DPP8: variants seen among roughly 807,000 people sequenced by gnomAD.
The protein encoded by DPP8 is DPP VIII.
Under a neutral mutation model 107.5 loss-of-function variants are expected in DPP8, and 31 were observed. The ratio of observed to expected loss-of-function variants is 0.29; its 90% CI spans 0.22 to 0.39. The LOEUF (loss-of-function observed/expected upper bound fraction) is 0.39. Ranked by LOEUF, DPP8 falls within the 10% of genes least tolerant of loss-of-function variation. DPP8 has a pLI of 1.00. For synonymous variants in DPP8, 381 were observed against 356.6 expected (o/e 1.07, Z -0.77); for missense variants, 842 against 1,076.1 (o/e 0.78, Z 3.04).
intron 19 of DPP8, among the ~76,000 whole-genome samples, chr15:65,448,878 ATATATATATATATAT>A (rs1282289078): frequency 1.2e-4 from 2 of 17,304 alleles, no homozygotes; most frequent in African/African-American, 4.8e-4. Flanking sequence ...ATATATATAT[ATATATATATATATAT>A]ATATATATAT....
chr15:65,456,545 A>C (rs2064438089), intron 15 of DPP8, among the ~76,000 whole-genome samples, 174 bp from the exon 16 acceptor site: 1 of 152,178 alleles, frequency 6.6e-6, no homozygotes, highest in African/African-American at 2.4e-5. Flanking sequence ...TTCTTGCTTA[A>C]CTTCACACTC....
chr15:65,490,520 T>C (rs1461610319), intron 5 of DPP8, among the ~76,000 whole-genome samples: 3 of 151,044 alleles, frequency 2.0e-5, no homozygotes, highest in Non-Finnish European at 4.4e-5. Context: ...AAAGGCTACC[T>C]TGTGAGGTTG....
intron 10 of DPP8, among the ~76,000 whole-genome samples, chr15:65,479,712 C>T (rs1287093141): frequency 1.3e-5 from 2 of 151,472 alleles, no homozygotes; most frequent in Non-Finnish European, 2.9e-5. Flanking sequence ...GGCGCGGTGG[C>T]GGGCGCCTGT....
chr15:65,470,900 C>CA (rs747797709), intron 12 of DPP8, among the ~76,000 whole-genome samples: 24 of 135,258 alleles, frequency 1.8e-4, no homozygotes, highest in Non-Finnish European at 3.2e-4. Flanking sequence ...ACCTGGGTGA[C>CA]AGAGTGAGAC....
At chr15:65,510,597 G>C (rs2070647083) in intron 2 of DPP8, among the ~76,000 whole-genome samples, 1 of 151,862 alleles carries the variant, frequency 6.6e-6, no homozygotes, top group Admixed American at 6.6e-5. Context: ...GGAGTGCAGT[G>C]GCACCATCTC....
intron 12 of DPP8, among the ~76,000 whole-genome samples, chr15:65,467,968 G>A (rs1178343422): frequency 1.3e-5 from 2 of 151,986 alleles, no homozygotes; most frequent in African/African-American, 2.4e-5. Flanking sequence ...ATTTGCAAAC[G>A]TGTTTTATCT....
chr15:65,488,705 C>T (rs966224111), intron 6 of DPP8, among the ~76,000 whole-genome samples: 4 of 151,028 alleles, frequency 2.6e-5, no homozygotes, highest in African/African-American at 9.7e-5. Context: ...TCTTGAAATT[C>T]GTTTTCAGTT....
intron 8 of DPP8, among the ~76,000 whole-genome samples, chr15:65,484,507 G>A (rs943056407): frequency 9.2e-5 from 14 of 151,826 alleles, no homozygotes; most frequent in African/African-American, 3.1e-4. Flanking sequence ...TAAATAAATC[G>A]TATTACATGT....
chr15:65,489,839 T>C (rs2067839915), intron 6 of DPP8, among the ~76,000 whole-genome samples: 1 of 152,196 alleles, frequency 6.6e-6, no homozygotes, highest in Non-Finnish European at 1.5e-5. Flanking sequence ...TGCTTCAGCC[T>C]CCCGCGTAGC....
chr15:65,481,457 A>G, intron 9 of DPP8, 58 bp downstream of exon 9: 1 of 1,216,996 alleles, frequency 8.2e-7, no homozygotes, highest in South Asian at 1.3e-5. Context: ...TAGCACAAAT[A>G]TTCCAAAGCT....
At chr15:65,495,259 A>T (rs1483052663) in intron 5 of DPP8, among the ~76,000 whole-genome samples, 1 of 152,172 alleles carries the variant, frequency 6.6e-6, no homozygotes, top group African/African-American at 2.4e-5. Flanking sequence ...TTTAGGTGTC[A>T]TCTTTTCTGG....
chr15:65,485,057 A>T, intron 8 of DPP8, 42 bp downstream of exon 8: 1 of 1,464,750 alleles, frequency 6.8e-7, no homozygotes, highest in Non-Finnish European at 9.6e-7. Flanking sequence ...TGAATAGATT[A>T]GTCAAATGAC....
chr15:65,476,513 T>C (rs988311196), intron 11 of DPP8, among the ~76,000 whole-genome samples: 1 of 152,076 alleles, frequency 6.6e-6, no homozygotes. Context: ...ATATAACAAC[T>C]ATCATCCGAA....
At position 65,456,329 on chromosome 15, in the gene DPP8, G is replaced by A. The variant is rs146381664; in HGVS notation, c.2014C>T (p.Arg672Cys). Residue 672 changes from arginine (R) to cysteine (C), a missense_variant, in exon 16 of 20, where the codon CGC becomes TGC. Transcript: ENST00000300141. Reference sequence around the variant, plus strand: ...CCTAGAGAGGCTAGGGTATTCAAGCGGAAATACTTGACTCCTTTAAACCGA... The same window carrying A: ...CCTAGAGAGGCTAGGGTATTCAAGCAGAAATACTTGACTCCTTTAAACCGA... ...NNRFKGVKYFRLNTLASLGYV... is the reference protein window; with the variant it reads ...NNRFKGVKYFCLNTLASLGYV... 15 of 1,613,890 alleles carry A rather than the reference G, an allele frequency of 9.3e-6. No homozygotes were observed. Among genetic ancestry groups the A allele is most frequent in the African/African-American group, 5.3e-5 (4 of 75,010 alleles).
chr15:65,465,388 G>A (rs2065260065), intron 14 of DPP8, among the ~76,000 whole-genome samples: 1 of 151,528 alleles, frequency 6.6e-6, no homozygotes. Flanking sequence ...GGCTGCTCTT[G>A]AACTCCTGAT....
At chr15:65,509,106 T>A (rs532032575) in intron 2 of DPP8, among the ~76,000 whole-genome samples, 65 of 152,332 alleles carry the variant, frequency 4.3e-4, no homozygotes, top group African/African-American at 1.6e-3. Flanking sequence ...AATTAGTTTA[T>A]GTTGCCTTTG....
At chr15:65,492,532 G>A (rs8030301) in intron 5 of DPP8, among the ~76,000 whole-genome samples, 29,465 of 151,944 alleles carry the variant, frequency 0.19, 3,094 homozygotes, top group African/African-American at 0.26. Flanking sequence ...TCCAACATTT[G>A]GTGTTCTCAA....
rs59117669 is a variant in DPP8, at chr15:65,458,385, C to T, written c.1972-2014G>A. 3.1e-3 allele frequency among the ~76,000 whole-genome samples: 472 copies of T among 152,216 alleles called. 1 individual carries two copies. The highest frequency in any genetic ancestry group is 0.011 in the African/African-American group (451 of 41,526). On this transcript the variant is annotated intron_variant, in intron 15 of 19. Transcript: ENST00000300141. ...AAGCAATTCTCGTGCCTCAGCCTCCCGAGTAGCTGGGATTATAGGTGTGCA... is the reference window on the plus strand; with the variant it reads ...AAGCAATTCTCGTGCCTCAGCCTCCTGAGTAGCTGGGATTATAGGTGTGCA...
intron 2 of DPP8, among the ~76,000 whole-genome samples, chr15:65,509,709 G>GT (rs747305690): frequency 2.0e-4 from 30 of 152,240 alleles, no homozygotes; most frequent in Admixed American, 7.2e-4. Context: ...TCTCAAAAAT[G>GT]TATGATTTCT....
Sources: allele counts gnomAD v4.1 joint callset (sites outside exome capture counted in the v4.1 genomes callset), GRCh38; gene constraint gnomAD v4.1.1; transcripts MANE v1.5; gene names NCBI Gene and HGNC (gene_info 2026-07-23, HGNC 2026-07-21).